The following INTS7 variants were observed in gnomAD, a reference collection of about 807,000 sequenced individuals.
INTS7 encodes the protein integrator complex subunit 7.
A neutral mutation model predicts 109.2 loss-of-function variants in INTS7; 46 were observed. The ratio of observed to expected loss-of-function variants is 0.42; its 90% CI spans 0.33 to 0.54. The LOEUF (loss-of-function observed/expected upper bound fraction) is 0.54. Among genes scored for constraint, INTS7 ranks in the 20% least tolerant of loss-of-function variants. The pLI is 0.07. For missense variants in INTS7, 929 were observed against 1,132.4 expected, an observed-to-expected ratio of 0.82 and a Z score of 2.58; for synonymous variants, 412 against 402.9, an observed-to-expected ratio of 1.02 and a Z score of -0.27.
chr1:211,944,856 G>C lies in INTS7; in HGVS notation c.2529C>G (p.Leu843=). The C allele has an allele frequency of 6.2e-7, 1 of 1,614,192 alleles. No individual in the cohort carries two copies. The highest frequency in any genetic ancestry group is 2.2e-5 in the East Asian group (1 of 44,888). Reference sequence around the variant, plus strand: ...GACAGACAGACTGAATTTTGCGGAAGAGTCCTGGTTTAGATCCGTGCTGAA... The same window carrying C: ...GACAGACAGACTGAATTTTGCGGAACAGTCCTGGTTTAGATCCGTGCTGAA... The part of the protein sequence containing the change: ...GVVQHGSKPG[L]FRKIQSVCLN... Residue 843 remains leucine, a synonymous_variant, in exon 19 of 20, where the codon CTC becomes CTG. Transcript: ENST00000366994.
intron 3 of INTS7, among the ~76,000 whole-genome samples, chr1:212,017,760 T>A (rs1448457680): frequency 6.6e-6 from 1 of 152,208 alleles, no homozygotes; most frequent in East Asian, 1.9e-4. Flanking sequence ...AAAGTCAACA[T>A]CCTAAATAAC....
chr1:212,003,305 CAAAAA>C lies in INTS7; in HGVS notation c.879+3329_879+3333del, dbSNP rs35903155. Among the ~76,000 whole-genome samples the C allele has an allele frequency of 1.6e-3, 101 of 61,906 alleles. 1 individual carries two copies. Among genetic ancestry groups the C allele is most frequent in the Non-Finnish European group, 2.9e-3 (84 of 29,122 alleles). The allele number at this position is 61,906 out of a possible 152,430, so 40.6% of individuals were successfully genotyped here. ...CAAGTCAAAGAGAACAATTTTAAAG[CAAAAA>C]AAAAAAAAAAAAAAACCCTTCAAAG... On this transcript the variant is annotated intron_variant, in intron 7 of 19. Transcript: ENST00000366994.
At chr1:212,029,704 A>T (rs1179686802) in intron 1 of INTS7, among the ~76,000 whole-genome samples, 1 of 152,228 alleles carries the variant, frequency 6.6e-6, no homozygotes, top group Non-Finnish European at 1.5e-5. Flanking sequence ...AAACAAACAC[A>T]ATTTAGGACA....
At chr1:211,964,556 C>T (rs1663784374) in intron 16 of INTS7, among the ~76,000 whole-genome samples, 1 of 152,154 alleles carries the variant, frequency 6.6e-6, no homozygotes, top group Non-Finnish European at 1.5e-5. Flanking sequence ...ATCAGGCTAC[C>T]CAACTTCAAA....
Position 212,011,815 on chromosome 1 carries a change from C to T in INTS7, c.510-394G>A, listed in dbSNP as rs564872001. ...TATTCAGTAAGTATTTCTTTAATAA[C>T]CATATAAAGACTTCTCATAACAACT... is the stretch of plus-strand genomic sequence containing the variant. On this transcript the variant is annotated intron_variant, in intron 4 of 19. Transcript: ENST00000366994. Among the ~76,000 whole-genome samples, 9 of 152,230 alleles carry T rather than the reference C, an allele frequency of 5.9e-5. No homozygotes were observed. The South Asian group carries it at 1.9e-3, about 32-fold the overall frequency.
chr1:211,994,899 A>G (rs1665312621), intron 7 of INTS7, among the ~76,000 whole-genome samples: 1 of 151,988 alleles, frequency 6.6e-6, no homozygotes, highest in South Asian at 2.1e-4. Flanking sequence ...TCAACAAAAC[A>G]ATTGCATTTA....
At chr1:212,011,914 GTAA>G (rs1302958872) in intron 4 of INTS7, among the ~76,000 whole-genome samples, 1 of 152,144 alleles carries the variant, frequency 6.6e-6, no homozygotes. Context: ...TTTTTTGTGT[GTAA>G]TAATATTTTT....
chr1:212,003,429 T>C (rs1484088555), intron 7 of INTS7, among the ~76,000 whole-genome samples: 1 of 152,092 alleles, frequency 6.6e-6, no homozygotes, highest in Non-Finnish European at 1.5e-5. Context: ...GAAAGCATCT[T>C]TCAAGATTGA....
chr1:212,022,291 A>G (rs1666741954), intron 1 of INTS7, among the ~76,000 whole-genome samples: 1 of 152,250 alleles, frequency 6.6e-6, no homozygotes, highest in Non-Finnish European at 1.5e-5. Flanking sequence ...CATAAACCAT[A>G]AAATAAAAAA....
At chr1:212,023,164 C>G (rs952542871) in intron 1 of INTS7, among the ~76,000 whole-genome samples, 5 of 152,162 alleles carry the variant, frequency 3.3e-5, no homozygotes, top group African/African-American at 1.2e-4. Context: ...TGACAGGCAT[C>G]TAGGTTGATT....
intron 12 of INTS7, 87 bp downstream of exon 12, chr1:211,976,494 GT>G (rs1205164129): frequency 1.6e-6 from 2 of 1,215,774 alleles, no homozygotes; most frequent in Non-Finnish European, 2.3e-6. Context: ...TTTATTTTTA[GT>G]TTTGACTACA....
intron 7 of INTS7, among the ~76,000 whole-genome samples, chr1:212,001,615 C>T (rs543921799): frequency 6.6e-6 from 1 of 152,192 alleles, no homozygotes; most frequent in Admixed American, 6.5e-5. Context: ...AAATCTCCCT[C>T]CTGTTTTCCT....
At chr1:212,027,972 G>A (rs999453530) in intron 1 of INTS7, among the ~76,000 whole-genome samples, 11 of 152,190 alleles carry the variant, frequency 7.2e-5, no homozygotes, top group South Asian at 4.1e-4. Flanking sequence ...GATTATAGGC[G>A]TGCACCATCA....
At chr1:211,983,603 T>G (rs1244857016) in intron 8 of INTS7, among the ~76,000 whole-genome samples, 1 of 151,798 alleles carries the variant, frequency 6.6e-6, no homozygotes, top group African/African-American at 2.4e-5. Flanking sequence ...CTTAAAAGAG[T>G]CTCCCATTCC....
intron 16 of INTS7, among the ~76,000 whole-genome samples, chr1:211,965,308 T>C (rs1663821687): frequency 6.6e-6 from 1 of 152,016 alleles, no homozygotes; most frequent in Non-Finnish European, 1.5e-5. Flanking sequence ...CAGAAGTTGG[T>C]GAGGTTGCAG....
At chr1:211,983,300 T>C (rs1276574847) in intron 8 of INTS7, among the ~76,000 whole-genome samples, 1 of 152,166 alleles carries the variant, frequency 6.6e-6, no homozygotes, top group Non-Finnish European at 1.5e-5. Flanking sequence ...GATCATCTGA[T>C]TTAACACACC....
chr1:211,955,956 A>G (rs1663342572), intron 16 of INTS7, among the ~76,000 whole-genome samples: 1 of 152,250 alleles, frequency 6.6e-6, no homozygotes, highest in Non-Finnish European at 1.5e-5. Flanking sequence ...TAAACTACAT[A>G]AAAGACTTGC....
chr1:211,951,452 C>A (rs1302142514), intron 17 of INTS7, among the ~76,000 whole-genome samples: 5 of 152,186 alleles, frequency 3.3e-5, no homozygotes, highest in Non-Finnish European at 7.4e-5. Context: ...GGATTACAGG[C>A]ATGCGCCACC....
intron 7 of INTS7, among the ~76,000 whole-genome samples, chr1:212,001,553 C>A (rs1027259468): frequency 1.1e-4 from 17 of 152,148 alleles, no homozygotes; most frequent in Non-Finnish European, 2.1e-4. Flanking sequence ...AGGGTTGGTC[C>A]TGGAACCAAT....
Sources: allele counts gnomAD v4.1 joint callset (sites outside exome capture counted in the v4.1 genomes callset), GRCh38; gene constraint gnomAD v4.1.1; transcripts MANE v1.5; gene names NCBI Gene and HGNC (gene_info 2026-07-23, HGNC 2026-07-21).